The following SANBR variants were observed in gnomAD, a reference collection of about 807,000 sequenced individuals.
SANBR encodes the protein SANT and BTB domain regulator of class switch recombination.
Under a neutral mutation model 101.8 loss-of-function variants are expected in SANBR, and 77 were observed. The ratio of observed to expected loss-of-function variants is 0.76; its 90% CI spans 0.63 to 0.91. The LOEUF (loss-of-function observed/expected upper bound fraction) is 0.91. SANBR is among the 40% of genes least tolerant of loss of function. The pLI is 0.00. For missense variants in SANBR, 875 were observed against 853.0 expected (o/e 1.03, Z -0.32); for synonymous variants, 279 against 274.7 (o/e 1.02, Z -0.15).
At chr2:61,081,276 C>G (rs1464819125) in intron 6 of SANBR, among the ~76,000 whole-genome samples, 176 bp from the exon 7 acceptor site, 2 of 151,938 alleles carry the variant, frequency 1.3e-5, no homozygotes, top group African/African-American at 4.8e-5. Flanking sequence ...TTTCTCCATA[C>G]CCTAAGTTTT....
intron 13 of SANBR, 149 bp from the exon 14 acceptor site, chr2:61,106,414 A>AT: frequency 2.3e-6 from 1 of 432,018 alleles, no homozygotes; most frequent in Non-Finnish European, 4.0e-6. Context: ...AAAAAAAAAA[A>AT]GGAAATGTCA....
intron 4 of SANBR, among the ~76,000 whole-genome samples, chr2:61,072,544 T>C (rs1681528851): frequency 6.6e-6 from 1 of 152,180 alleles, no homozygotes. Context: ...GCCACTGCTC[T>C]TCAGCCTAGG....
chr2:61,116,727 C>T (rs1390057204), intron 17 of SANBR, among the ~76,000 whole-genome samples: 1 of 151,988 alleles, frequency 6.6e-6, no homozygotes, highest in Non-Finnish European at 1.5e-5. Flanking sequence ...TTAAGTAGCA[C>T]AGGCATATAA....
At chr2:61,081,987 T>C (rs1682159691) in intron 7 of SANBR, among the ~76,000 whole-genome samples, 1 of 151,904 alleles carries the variant, frequency 6.6e-6, no homozygotes, top group African/African-American at 2.4e-5. Flanking sequence ...GTGAAGTTGT[T>C]TATTTGACTC....
At chr2:61,130,476 C>T (rs1684653479) in intron 20 of SANBR, among the ~76,000 whole-genome samples, 1 of 152,120 alleles carries the variant, frequency 6.6e-6, no homozygotes, top group African/African-American at 2.4e-5. Flanking sequence ...AAGAAAACTA[C>T]AGACCAGTAT....
rs754940953 is a variant in SANBR at position 61,077,120 on chromosome 2, A to G, written c.632A>G (p.Asn211Ser). 1.4e-5 allele frequency: 23 copies of G among 1,613,366 alleles called. No homozygotes were observed. The highest frequency in any genetic ancestry group is 1.9e-5 in the Non-Finnish European group (22 of 1,179,332). Reference sequence around the variant, plus strand: ...TGGTTGATAAAATACATTAAAAGGAACACTAAGGAGAATAAAGATTGTGAG... The same window carrying G: ...TGGTTGATAAAATACATTAAAAGGAGCACTAAGGAGAATAAAGATTGTGAG... ...FNWLIKYIKRNTKENKDCEMP... is the reference protein window; with the variant it reads ...FNWLIKYIKRSTKENKDCEMP... The change falls in exon 6 of 22, where the codon AAC (asparagine) becomes AGC (serine). Residue 211 changes from asparagine to serine, a missense_variant. Asn to Ser is a conservative substitution (Grantham distance 46). Transcript: ENST00000402291.
rs200916950 is a variant in SANBR at position 61,083,127 on chromosome 2, C to T, written c.730-27C>T. 80 of 1,542,906 alleles carry T rather than the reference C, an allele frequency of 5.2e-5. No individual in the cohort carries two copies. In the Middle Eastern group the frequency reaches 6.8e-4, roughly 13 times the overall value. Reference sequence around the variant, plus strand: ...ACATTGTCCTTCATGCTACTATTTTCGACATTTATTTTCTATGATTTTTTA... The same window carrying T: ...ACATTGTCCTTCATGCTACTATTTTTGACATTTATTTTCTATGATTTTTTA... On this transcript the variant is annotated intron_variant, in intron 7 of 21. Transcript: ENST00000402291.
rs1285432818 is a variant in SANBR at position 61,081,636 on chromosome 2, T to G, written c.729+126T>G. On this transcript the variant is annotated intron_variant, in intron 7 of 21. Coordinates refer to ENST00000402291, the MANE Select transcript of SANBR (RefSeq NM_001129993.3). ...TAATTGAAAAAACAATTTAAAAAATTGTTAATTCAGGAATATAATTTCTTT... is the reference window on the plus strand; with the variant it reads ...TAATTGAAAAAACAATTTAAAAAATGGTTAATTCAGGAATATAATTTCTTT... 3 of 1,078,762 alleles carry G rather than the reference T, an allele frequency of 2.8e-6. No individual in the cohort carries two copies. The Admixed American group carries it at 9.7e-5, about 35-fold the overall frequency. The allele number at this position is 1,078,762 out of a possible 1,614,324, so 66.8% of individuals were successfully genotyped here. A position where few individuals can be genotyped will look rare whatever the true frequency, so the allele number is the denominator to read the frequency against.
At chr2:61,113,079 A>G (rs1683910982) in intron 16 of SANBR, among the ~76,000 whole-genome samples, 2 of 152,142 alleles carry the variant, frequency 1.3e-5, no homozygotes, top group Non-Finnish European at 2.9e-5. Flanking sequence ...TATTGAAAAG[A>G]CTATTCTGTT....
At chr2:61,134,200 A>G in exon 21 of SANBR, 1 of 1,612,792 alleles carries the variant, frequency 6.2e-7, no homozygotes, top group Non-Finnish European at 8.5e-7. Flanking sequence ...TGGTTTGAGC[A>G]GTGTGCTCTT....
At chr2:61,109,403 G>A in intron 16 of SANBR, 107 bp downstream of exon 16, 1 of 531,976 alleles carries the variant, frequency 1.9e-6, no homozygotes, top group Non-Finnish European at 3.2e-6. Context: ...AGAGTAGGTT[G>A]CAACATAGAA....
At chr2:61,082,956 A>G (rs1682218748) in intron 7 of SANBR, among the ~76,000 whole-genome samples, 198 bp from the exon 8 acceptor site, 1 of 152,222 alleles carries the variant, frequency 6.6e-6, no homozygotes, top group South Asian at 2.1e-4. Context: ...TTAGGTATGT[A>G]TATATGTTGT....
intron 12 of SANBR, among the ~76,000 whole-genome samples, chr2:61,102,404 CA>C (rs1683332357): frequency 1.4e-5 from 2 of 141,262 alleles, no homozygotes; most frequent in African/African-American, 5.1e-5. Flanking sequence ...TGGAGAAAGA[CA>C]ACCGGCACTT....
intron 1 of SANBR, among the ~76,000 whole-genome samples, chr2:61,067,496 G>T (rs1249048635): frequency 6.6e-6 from 1 of 152,152 alleles, no homozygotes; most frequent in Non-Finnish European, 1.5e-5. Context: ...CCAGCACTTT[G>T]GGAGGCCGAG....
chr2:61,103,254 A>G (rs971256504), intron 12 of SANBR, among the ~76,000 whole-genome samples: 10 of 150,752 alleles, frequency 6.6e-5, no homozygotes, highest in African/African-American at 2.4e-4. Context: ...CTCCCACCTC[A>G]GCTTCCTGAG....
rs77968213 is a variant in SANBR, at chr2:61,122,007, G to A, written c.2121-119G>A. 7.2e-4 allele frequency: 947 copies of A among 1,315,514 alleles called. 7 individuals are homozygous for A. In the Middle Eastern group the frequency reaches 0.01, roughly 14 times the overall value. The allele number at this position is 1,315,514 out of a possible 1,614,324, so 81.5% of individuals were successfully genotyped here. A position where few individuals can be genotyped will look rare whatever the true frequency, so the allele number is the denominator to read the frequency against. On this transcript the variant is annotated intron_variant, in intron 21 of 21. Coordinates refer to ENST00000402291, the MANE Select transcript of SANBR (RefSeq NM_001129993.3). ...TTAAGAGTTTTAGAAAATGGATTAC[G>A]GAGCTGCAAGAAGATTTATTAAACC...
At chr2:61,105,687 T>G (rs1362612484) in intron 13 of SANBR, among the ~76,000 whole-genome samples, 1 of 147,548 alleles carries the variant, frequency 6.8e-6, no homozygotes, top group Non-Finnish European at 1.5e-5. Flanking sequence ...CTTTCTTTTT[T>G]TTTGAGATGG....
At chr2:61,083,532 G>A (rs1682256415) in intron 8 of SANBR, among the ~76,000 whole-genome samples, 1 of 149,448 alleles carries the variant, frequency 6.7e-6, no homozygotes, top group Non-Finnish European at 1.5e-5. Context: ...AAGTAGCTGG[G>A]ACTACAGGAA....
rs1681119410 is a variant in SANBR at position 61,065,921 on chromosome 2, G to C, written c.-253G>C. The C allele has an allele frequency of 6.6e-6, 1 of 152,162 alleles. No individual in the cohort carries two copies. The highest frequency in any genetic ancestry group is 1.5e-5 in the Non-Finnish European group (1 of 68,076). 9.4% of individuals were successfully genotyped at this position (152,162 alleles called of 1,614,324 possible). A position where few individuals can be genotyped will look rare whatever the true frequency, so the allele number is the denominator to read the frequency against. On this transcript the variant is annotated 5_prime_UTR_variant, in exon 1 of 22. Transcript: ENST00000402291. Reference sequence around the variant, plus strand: ...GCGGGGGCGGGGTGTGAGGCGCTGCGGACGGGGTTGCGGGCTCGGTAGCGG... The same window carrying C: ...GCGGGGGCGGGGTGTGAGGCGCTGCCGACGGGGTTGCGGGCTCGGTAGCGG...
Sources: gnomAD v4.1 joint callset for allele counts (sites outside exome capture counted in the v4.1 genomes callset) on GRCh38, gnomAD v4.1.1 for gene constraint, MANE v1.5 for transcripts, NCBI Gene and HGNC (gene_info 2026-07-23, HGNC 2026-07-21) for gene names.